The following CPED1 variants were observed in gnomAD, a reference collection of about 807,000 sequenced individuals.
The protein encoded by CPED1 is cadherin like and PC-esterase domain containing 1.
CPED1 carries 114 observed loss-of-function variants against 128.2 expected under a neutral mutation model. The observed-to-expected ratio is 0.89, with a 90% CI of 0.76 to 1.04. The LOEUF (loss-of-function observed/expected upper bound fraction) is 1.04. Among genes scored for constraint, CPED1 ranks in the 50% least tolerant of loss-of-function variants. CPED1 has a pLI of 0.00. For synonymous variants in CPED1, 462 were observed against 426.7 expected (o/e 1.08, Z -1.02); for missense variants, 1,211 against 1,207.1 (o/e 1.00, Z -0.05).
chr7:121,110,224 C>A (rs573041270), intron 7 of CPED1, among the ~76,000 whole-genome samples: 1 of 152,096 alleles, frequency 6.6e-6, no homozygotes, highest in African/African-American at 2.4e-5. Context: ...TACCGGCTAC[C>A]TCTTATATGC....
At chr7:121,139,196 A>C (rs1795847184) in intron 14 of CPED1, among the ~76,000 whole-genome samples, 1 of 152,020 alleles carries the variant, frequency 6.6e-6, no homozygotes, top group Non-Finnish European at 1.5e-5. Flanking sequence ...TTACAAGTAA[A>C]ATTAATGAAG....
rs142820893 is a variant in CPED1 at position 121,128,400 on chromosome 7, G to A, written c.1321G>A (p.Glu441Lys). 1.4e-5 allele frequency: 23 copies of A among 1,589,684 alleles called. No homozygotes were observed. In the African/African-American group the frequency reaches 3.0e-4, roughly 20 times the overall value. ...DVFKGENYQK[E>K]LNQCLSLEEI... ...AATACAGGGTGAAAACTATCAAAAGGAACTAAATCAGTGTCTGTCCTTAGA... is the reference window on the plus strand; with the variant it reads ...AATACAGGGTGAAAACTATCAAAAGAAACTAAATCAGTGTCTGTCCTTAGA... The change falls in exon 11 of 23, where the codon GAA becomes AAA. Residue 441 changes from glutamate to lysine, a missense_variant. Physicochemically the swap from Glu to Lys is moderately conservative, Grantham distance 56. Transcript: ENST00000310396.
At chr7:121,031,030 G>A (rs556871328) in intron 3 of CPED1, among the ~76,000 whole-genome samples, 1 of 152,332 alleles carries the variant, frequency 6.6e-6, no homozygotes, top group East Asian at 1.9e-4. Flanking sequence ...CCAAGGGTCA[G>A]TTTATCATCA....
At chr7:120,993,863 C>T (rs79499160) in intron 2 of CPED1, 20,415 of 213,564 alleles carry the variant, frequency 0.096, 1,597 homozygotes, top group East Asian at 0.27. Flanking sequence ...TCCTCTCCTG[C>T]CTTTTGTTGA....
intron 22 of CPED1, among the ~76,000 whole-genome samples, chr7:121,290,647 T>G (rs1792679892): frequency 2.0e-5 from 3 of 152,216 alleles, no homozygotes; most frequent in Admixed American, 1.3e-4. Flanking sequence ...CACTTTTTGA[T>G]GGGGTTGTTT....
At chr7:121,062,282 G>A (rs1181280767) in intron 4 of CPED1, among the ~76,000 whole-genome samples, 2 of 152,090 alleles carry the variant, frequency 1.3e-5, no homozygotes, top group Non-Finnish European at 2.9e-5. Flanking sequence ...CCTATTTAGG[G>A]AAAATGGCTC....
At chr7:121,258,000 C>G (rs187053575) in intron 18 of CPED1, among the ~76,000 whole-genome samples, 1 of 152,100 alleles carries the variant, frequency 6.6e-6, no homozygotes, top group Admixed American at 6.6e-5. Context: ...TACATAAGGA[C>G]AGCAGGACAT....
At chr7:121,264,695 C>T (rs1792088265) in intron 18 of CPED1, among the ~76,000 whole-genome samples, 1 of 151,782 alleles carries the variant, frequency 6.6e-6, no homozygotes, top group Non-Finnish European at 1.5e-5. Context: ...GCAATGCCTG[C>T]CATTAAAATC....
intron 22 of CPED1, among the ~76,000 whole-genome samples, chr7:121,279,562 G>C (rs1024887217): frequency 2.6e-5 from 4 of 151,692 alleles, no homozygotes; most frequent in African/African-American, 9.7e-5. Context: ...ACAACTGAAA[G>C]TGCCGAGAGA....
chr7:121,297,209 C>G lies in CPED1; in HGVS notation c.*1557C>G, dbSNP rs1792839450. 1 of 151,812 alleles carries G rather than the reference C, an allele frequency of 6.6e-6. No individual in the cohort carries two copies. The highest frequency in any genetic ancestry group is 2.4e-5 in the African/African-American group (1 of 41,340). 9.4% of individuals were successfully genotyped at this position (151,812 alleles called of 1,614,324 possible). A position where few individuals can be genotyped will look rare whatever the true frequency, so the allele number is the denominator to read the frequency against. On this transcript the variant is annotated 3_prime_UTR_variant, in exon 23 of 23. Coordinates refer to ENST00000310396, the MANE Select transcript of CPED1 (RefSeq NM_024913.5). ...AATGCAAACATCATTTTTAAATTTT[C>G]AGTGATTTTTTTAATGACATAAAAC...
intron 16 of CPED1, among the ~76,000 whole-genome samples, chr7:121,166,440 A>G (rs1218171955): frequency 1.3e-5 from 2 of 152,228 alleles, no homozygotes; most frequent in Admixed American, 6.5e-5. Flanking sequence ...TTACTTATAT[A>G]TTAGACATAC....
chr7:121,042,107 G>A (rs1478227754), intron 3 of CPED1, among the ~76,000 whole-genome samples: 2 of 131,546 alleles, frequency 1.5e-5, no homozygotes, highest in African/African-American at 5.9e-5. Flanking sequence ...TCCGCAACAG[G>A]GAAAGAAATA....
At chr7:121,112,494 G>A (rs896876491) in intron 7 of CPED1, among the ~76,000 whole-genome samples, 4 of 152,116 alleles carry the variant, frequency 2.6e-5, no homozygotes, top group African/African-American at 7.2e-5. Context: ...ACCAGAAGCG[G>A]AAAGAGGCAA....
intron 2 of CPED1, among the ~76,000 whole-genome samples, chr7:121,005,015 A>G (rs1042945606): frequency 7.9e-5 from 12 of 152,170 alleles, no homozygotes; most frequent in African/African-American, 2.9e-4. Context: ...CATAGAGATA[A>G]TGGCTTATTT....
chr7:121,036,508 T>TATATATA lies in CPED1; in HGVS notation c.434-10379_434-10378insATATATA, dbSNP rs561110849. Among the ~76,000 whole-genome samples, 154 of 130,584 alleles carry TATATATA rather than the reference T, an allele frequency of 1.2e-3. 1 individual carries two copies. The highest frequency in any genetic ancestry group is 3.7e-3 in the African/African-American group (122 of 32,770). The allele number at this position is 130,584 out of a possible 152,430, so 85.7% of individuals were successfully genotyped here. ...GTGTGTGTATATATATATATATATA[T>TATATATA]TTTTTTTTTCTTTCTTTATCCACTC... is the stretch of plus-strand genomic sequence containing the variant. On this transcript the variant is annotated intron_variant, in intron 3 of 22. Transcript: ENST00000310396.
chr7:121,261,872 A>T, intron 18 of CPED1: 1 of 695,152 alleles, frequency 1.4e-6, no homozygotes, highest in African/African-American at 1.9e-5. Flanking sequence ...CAACCAAGAA[A>T]CTGGAAATAA....
In CPED1 at chr7:121,295,621, G is replaced by A; in HGVS notation, c.3050G>A (p.Ser1017Asn). 6.2e-7 allele frequency: 1 copy of A among 1,613,980 alleles called. No homozygotes were observed. Among genetic ancestry groups the A allele is most frequent in the South Asian group, 1.1e-5 (1 of 91,076 alleles). Residue 1017 changes from serine to asparagine, a missense_variant, in exon 23 of 23, where the codon AGC becomes AAC. By Grantham distance (46) the Ser-to-Asn change is conservative. Transcript: ENST00000310396. ...INQVCSEILL[S>N]RMCANKRTM ...CAGGTTTGTTCTGAAATCCTTCTCA[G>A]CAGGATGTGTGCAAATAAAAGGACT...
chr7:121,216,662 T>G (rs188671362), intron 16 of CPED1, among the ~76,000 whole-genome samples: 76 of 152,082 alleles, frequency 5.0e-4, no homozygotes, highest in African/African-American at 1.7e-3. Flanking sequence ...TCTTAAGATT[T>G]CTGGGAGATG....
Position 121,106,913 on chromosome 7 carries a change from A to C in CPED1, c.918+6819A>C, listed in dbSNP as rs375326213. 3.9e-5 allele frequency among the ~76,000 whole-genome samples: 6 copies of C among 152,290 alleles called. 1 individual carries two copies. The highest frequency in any genetic ancestry group is 1.4e-4 in the African/African-American group (6 of 41,578). ...CGATAACAAGTTTATAAAATAAACA[A>C]GTGTTTAGAGTAAAAACCAAGCCTG... On this transcript the variant is annotated intron_variant, in intron 7 of 22. Transcript: ENST00000310396.
Sources: allele counts gnomAD v4.1 joint callset (sites outside exome capture counted in the v4.1 genomes callset), GRCh38; gene constraint gnomAD v4.1.1; transcripts MANE v1.5; gene names NCBI Gene and HGNC (gene_info 2026-07-23, HGNC 2026-07-21).